ELMOD1: variants seen among roughly 807,000 people sequenced by gnomAD.
ELMOD1 encodes ELMO domain-containing protein 1.
A neutral mutation model predicts 46.7 loss-of-function variants in ELMOD1; 21 were observed. That is an observed-to-expected ratio of 0.45 (90% confidence interval 0.32 to 0.65). The LOEUF (loss-of-function observed/expected upper bound fraction) is 0.65. ELMOD1 is among the 30% of genes least tolerant of loss of function. ELMOD1 has a pLI of 0.04. For missense variants in ELMOD1, 348 were observed against 407.8 expected, an observed-to-expected ratio of 0.85 and a Z score of 1.26; for synonymous variants, 122 against 138.2, an observed-to-expected ratio of 0.88 and a Z score of 0.82.
At chr11:107,635,795 C>G in intron 6 of ELMOD1, 30 bp downstream of exon 6, 2 of 1,593,006 alleles carry the variant, frequency 1.3e-6, no homozygotes, top group Non-Finnish European at 1.7e-6. Flanking sequence ...TCGGTTCTTC[C>G]TCTAAGTCAG....
At chr11:107,629,015 A>C (rs1304467728) in intron 2 of ELMOD1, among the ~76,000 whole-genome samples, 1 of 152,170 alleles carries the variant, frequency 6.6e-6, no homozygotes, top group Admixed American at 6.5e-5. Flanking sequence ...GTTATTAGAT[A>C]TTCTAGGACA....
At chr11:107,598,637 T>C (rs185906019) in intron 1 of ELMOD1, among the ~76,000 whole-genome samples, 1 of 152,336 alleles carries the variant, frequency 6.6e-6, no homozygotes, top group East Asian at 1.9e-4. Flanking sequence ...TCCTTGCACC[T>C]GGGCCTGGGC....
intron 6 of ELMOD1, among the ~76,000 whole-genome samples, chr11:107,636,829 T>A (rs1866237257): frequency 6.6e-6 from 1 of 152,250 alleles, no homozygotes; most frequent in African/African-American, 2.4e-5. Context: ...CTGCTGAATT[T>A]TATCTCTTTT....
At chr11:107,657,955 G>C (rs1866663355) in intron 11 of ELMOD1, among the ~76,000 whole-genome samples, 2 of 152,186 alleles carry the variant, frequency 1.3e-5, no homozygotes, top group Admixed American at 1.3e-4. Context: ...ATAGAAGACA[G>C]TTTAGGCTTA....
intron 10 of ELMOD1, among the ~76,000 whole-genome samples, chr11:107,655,573 C>CTTT (rs746890763): frequency 0.039 from 4,363 of 112,374 alleles, 389 homozygotes; most frequent in African/African-American, 0.14. Context: ...ATTGAAATGC[C>CTTT]TTTTTTTTTT....
chr11:107,653,241 T>G (rs1370522824), intron 9 of ELMOD1, among the ~76,000 whole-genome samples: 1 of 150,926 alleles, frequency 6.6e-6, no homozygotes, highest in African/African-American at 2.4e-5. Context: ...GGAATGGGAG[T>G]GGGGCAGATG....
chr11:107,662,620 A>AG (rs1491181007), intron 11 of ELMOD1, among the ~76,000 whole-genome samples: 3 of 144,392 alleles, frequency 2.1e-5, no homozygotes, highest in Admixed American at 6.9e-5. Flanking sequence ...CAAAAAAAAA[A>AG]CAACAAAAAA....
At chr11:107,600,777 C>T (rs1257996376) in intron 1 of ELMOD1, 1 of 152,596 alleles carries the variant, frequency 6.6e-6, no homozygotes, top group East Asian at 1.9e-4. Context: ...AATGTGTGGC[C>T]TGATGGATAC....
intron 11 of ELMOD1, among the ~76,000 whole-genome samples, chr11:107,656,436 A>G (rs2135715040): frequency 6.8e-6 from 1 of 147,974 alleles, no homozygotes; most frequent in East Asian, 2.0e-4. Context: ...ATATAAAAAT[A>G]CATGATATAT....
At chr11:107,637,015 G>A (rs1277745445) in intron 6 of ELMOD1, among the ~76,000 whole-genome samples, 1 of 152,218 alleles carries the variant, frequency 6.6e-6, no homozygotes, top group Admixed American at 6.5e-5. Flanking sequence ...ACATCCAGGT[G>A]CCTGCTAGGC....
Position 107,665,381 on chromosome 11 carries a change from G to A in ELMOD1, c.*184G>A, listed in dbSNP as rs1184436235. 1.6e-6 allele frequency: 1 copy of A among 608,408 alleles called. No individual in the cohort carries two copies. The highest frequency in any genetic ancestry group is 2.8e-6 in the Non-Finnish European group (1 of 357,838). The allele number at this position is 608,408 out of a possible 1,614,324, so 37.7% of individuals were successfully genotyped here. A position where few individuals can be genotyped will look rare whatever the true frequency, so the allele number is the denominator to read the frequency against. On this transcript the variant is annotated 3_prime_UTR_variant, in exon 12 of 12. Coordinates refer to ENST00000265840, the MANE Select transcript of ELMOD1 (RefSeq NM_018712.4). ...AGAGACCACTGTTTCTGGAGTATCTGTCATCCAGTGACTGCTCATATTGTG... is the reference window on the plus strand; with the variant it reads ...AGAGACCACTGTTTCTGGAGTATCTATCATCCAGTGACTGCTCATATTGTG...
intron 2 of ELMOD1, among the ~76,000 whole-genome samples, chr11:107,622,098 A>T (rs6588972): frequency 6.6e-6 from 1 of 152,108 alleles, no homozygotes; most frequent in African/African-American, 2.4e-5. Context: ...AGGCGTATGC[A>T]TACAAAACTA....
chr11:107,599,357 C>T (rs1422189083), intron 1 of ELMOD1, among the ~76,000 whole-genome samples: 3 of 148,956 alleles, frequency 2.0e-5, no homozygotes, highest in Non-Finnish European at 3.0e-5. Flanking sequence ...CTGCTCAACT[C>T]GTCTACCATA....
In ELMOD1 at chr11:107,643,080, G is replaced by A. The variant is rs549408998; in HGVS notation, c.421-4388G>A. 4.0e-5 allele frequency: 8 copies of A among 201,564 alleles called. No individual in the cohort carries two copies. The East Asian group carries it at 7.0e-4, about 18-fold the overall frequency. 12.5% of individuals were successfully genotyped at this position (201,564 alleles called of 1,614,324 possible). On this transcript the variant is annotated intron_variant, in intron 6 of 11. Transcript: ENST00000265840. ...CATGTGGCCAGGCACAGTGGCTCAC[G>A]CCTGTAATCCCAGCAATTTGGGAGG...
At chr11:107,643,614 G>A (rs545116286) in intron 6 of ELMOD1, 7 of 529,514 alleles carry the variant, frequency 1.3e-5, no homozygotes, top group African/African-American at 9.7e-5. Context: ...GTATCTGGAC[G>A]GCATTCAGTC....
intron 6 of ELMOD1, chr11:107,643,317 A>T (rs1866359191): frequency 5.2e-6 from 1 of 191,242 alleles, no homozygotes; most frequent in Non-Finnish European, 1.1e-5. Flanking sequence ...CAGTGAGCTG[A>T]GATCACACCA....
chr11:107,636,496 CT>C (rs1209195165), intron 6 of ELMOD1, among the ~76,000 whole-genome samples: 1 of 152,194 alleles, frequency 6.6e-6, no homozygotes, highest in East Asian at 1.9e-4. Context: ...AAAATAGATG[CT>C]TCTTTAGAAT....
At chr11:107,612,137 G>T (rs1865791285) in intron 1 of ELMOD1, among the ~76,000 whole-genome samples, 1 of 152,132 alleles carries the variant, frequency 6.6e-6, no homozygotes, top group African/African-American at 2.4e-5. Flanking sequence ...CAGTGAACTG[G>T]ATAAAGAATA....
intron 2 of ELMOD1, among the ~76,000 whole-genome samples, chr11:107,624,292 T>A (rs1409013956): frequency 6.6e-6 from 1 of 152,220 alleles, no homozygotes; most frequent in African/African-American, 2.4e-5. Flanking sequence ...GTGTTCATTG[T>A]TTCTCCTTAT....
Sources: allele counts gnomAD v4.1 joint callset (sites outside exome capture counted in the v4.1 genomes callset), GRCh38; gene constraint gnomAD v4.1.1; transcripts MANE v1.5; gene names NCBI Gene and HGNC (gene_info 2026-07-23, HGNC 2026-07-21).